Variants in KIF13A observed in about 807,000 individuals in gnomAD.
KIF13A encodes the protein kinesin-like protein KIF13A.
KIF13A carries 79 observed loss-of-function variants against 212.2 expected under a neutral mutation model. That is an observed-to-expected ratio of 0.37 (90% CI 0.31 to 0.45). The LOEUF is 0.45. Ranked by LOEUF, KIF13A falls within the 20% of genes least tolerant of loss-of-function variation. The pLI is 1.00. For missense variants in KIF13A, 1,901 were observed against 2,209.0 expected (o/e 0.86, Z 2.79); for synonymous variants, 789 against 808.6 (o/e 0.98, Z 0.41).
rs1332742693 is a variant in KIF13A at position 17,982,187 on chromosome 6, C to T, written c.146+4867G>A. ...CTCAGCTCACCGCAACCTCGGCCTC[C>T]TGGGTTCAAGTGATTCTCCTGCCTC... On this transcript the variant is annotated intron_variant, in intron 2 of 38. Coordinates refer to ENST00000259711, the MANE Select transcript of KIF13A (RefSeq NM_022113.6). This position sits in a 1 kb window ranked among gnomAD's most constrained non-coding sequence, Gnocchi z 5.1. 1.3e-5 allele frequency: 2 copies of T among 152,298 alleles called. No homozygotes were observed. Among genetic ancestry groups the T allele is most frequent in the African/African-American group, 4.8e-5 (2 of 41,420 alleles). 9.4% of individuals were successfully genotyped at this position (152,298 alleles called of 1,614,324 possible).
At chr6:17,831,666 T>C (rs977783570) in intron 12 of KIF13A, among the ~76,000 whole-genome samples, 17 of 148,010 alleles carry the variant, frequency 1.1e-4, no homozygotes, top group African/African-American at 4.0e-4. Flanking sequence ...AAAGATAGGG[T>C]GTTCTTGGGG....
At chr6:17,822,542 T>C (rs1202503155) in intron 16 of KIF13A, among the ~76,000 whole-genome samples, 1 of 152,108 alleles carries the variant, frequency 6.6e-6, no homozygotes, top group Non-Finnish European at 1.5e-5. Context: ...TATAAGAAGG[T>C]AGTAATTGAT....
At chr6:17,767,276 C>T (rs1199855271) in intron 38 of KIF13A, among the ~76,000 whole-genome samples, 2 of 145,322 alleles carry the variant, frequency 1.4e-5, no homozygotes, top group African/African-American at 2.5e-5. Context: ...TTTTTTGAGA[C>T]GAAGTCTCAC....
At chr6:17,879,258 A>G (rs766835511) in intron 3 of KIF13A, among the ~76,000 whole-genome samples, 9 of 152,154 alleles carry the variant, frequency 5.9e-5, no homozygotes, top group Non-Finnish European at 1.0e-4. Context: ...GGTGAGCTCC[A>G]TGGCAGCAGG....
rs778250669 is a variant in KIF13A at position 17,856,124 on chromosome 6, T to TA, written c.221-3dup. 36 of 1,594,892 alleles carry TA rather than the reference T, an allele frequency of 2.3e-5. No individual in the cohort carries two copies. Among genetic ancestry groups the TA allele is most frequent in the Admixed American group, 3.4e-5 (2 of 58,680 alleles). ...GGCACTTGAAAACCACTTCTTGACC[T>TA]AAAAAACAAGACAAATATTAAAAAC... On this transcript the variant is annotated splice_region_variant and splice_polypyrimidine_tract_variant and intron_variant, in intron 4 of 38. Transcript: ENST00000259711. The surrounding 1 kb of genome is among the most constrained non-coding windows in gnomAD (Gnocchi z 4.5).
chr6:17,948,016 A>C (rs912580867), intron 2 of KIF13A, among the ~76,000 whole-genome samples: 1 of 152,242 alleles, frequency 6.6e-6, no homozygotes, highest in Non-Finnish European at 1.5e-5. Flanking sequence ...TATTTTTTCA[A>C]AATTAAAATT....
At position 17,811,095 on chromosome 6, in the gene KIF13A, G is replaced by A. The variant is rs1397995487; in HGVS notation, c.2001-2165C>T. ...TCATGCCAATCTGCCCACCCAAAAT[G>A]TCCTTCTTACTTTCTCTCTGCTGGT... is the stretch of plus-strand genomic sequence containing the variant. On this transcript the variant is annotated intron_variant, in intron 17 of 38. Transcript: ENST00000259711. This position sits in a 1 kb window ranked among gnomAD's most constrained non-coding sequence, Gnocchi z 6.0. Among the ~76,000 whole-genome samples the A allele has an allele frequency of 6.6e-6, 1 of 152,124 alleles. No homozygotes were observed. Among genetic ancestry groups the A allele is most frequent in the Non-Finnish European group, 1.5e-5 (1 of 68,028 alleles).
Position 17,771,266 on chromosome 6 carries a change from G to T in KIF13A, c.4477-48C>A. Reference sequence around the variant, plus strand: ...ATGCATCACACACAAAGACGACAACGGCCAAAATACATATTAAGTACATGC... The same window carrying T: ...ATGCATCACACACAAAGACGACAACTGCCAAAATACATATTAAGTACATGC... On this transcript the variant is annotated intron_variant, in intron 37 of 38. Transcript: ENST00000259711. This position sits in a 1 kb window ranked among gnomAD's most constrained non-coding sequence, Gnocchi z 5.4. 8.3e-7 allele frequency: 1 copy of T among 1,210,222 alleles called. No homozygotes were observed. Among genetic ancestry groups the T allele is most frequent in the South Asian group, 1.3e-5 (1 of 79,210 alleles). 75.0% of individuals were successfully genotyped at this position (1,210,222 alleles called of 1,614,324 possible).
At position 17,789,728 on chromosome 6, in the gene KIF13A, A is replaced by G; in HGVS notation, c.3261+144T>C. 1 of 627,194 alleles carries G rather than the reference A, an allele frequency of 1.6e-6. No homozygotes were observed. The highest frequency in any genetic ancestry group is 2.8e-5 in the East Asian group (1 of 35,688). 38.9% of individuals were successfully genotyped at this position (627,194 alleles called of 1,614,324 possible). On this transcript the variant is annotated intron_variant, in intron 26 of 38. Coordinates refer to ENST00000259711, the MANE Select transcript of KIF13A (RefSeq NM_022113.6). The surrounding 1 kb of genome is among the most constrained non-coding windows in gnomAD (Gnocchi z 4.8). ...TAGAAATAATATTGTGTTTGAATAC[A>G]TATAAAGCAAATCAAAAGCAAGTGA... is the stretch of plus-strand genomic sequence containing the variant.
In KIF13A at chr6:17,779,658, T is replaced by A; in HGVS notation, c.3873A>T (p.Arg1291Ser). ...KQSFTQSLKR[R>S]ISLKNIFYSC... ...AATAAAATATATTTTTCAGGGATAT[T>A]CTCCTCTTCAAACTCTGCGTGAAAC... is the stretch of plus-strand genomic sequence containing the variant. Residue 1291 changes from arginine to serine, a missense_variant, in exon 32 of 39, where the codon AGA becomes AGT. Physicochemically the swap from Arg to Ser is moderately radical, Grantham distance 110. This residue lies in a region of KIF13A where 687 missense variants were observed against 759.1 expected (regional missense o/e 0.90). Coordinates refer to ENST00000259711, the MANE Select transcript of KIF13A (RefSeq NM_022113.6). 6.6e-7 allele frequency: 1 copy of A among 1,509,978 alleles called. No homozygotes were observed. Among genetic ancestry groups the A allele is most frequent in the Non-Finnish European group, 9.2e-7 (1 of 1,092,536 alleles). The allele number at this position is 1,509,978 out of a possible 1,614,324, so 93.5% of individuals were successfully genotyped here.
rs552972849 is a variant in KIF13A at position 17,778,992 on chromosome 6, G to A, written c.4047C>T (p.Gly1349=). 5.3e-5 allele frequency: 85 copies of A among 1,612,156 alleles called. 1 individual carries two copies. In the South Asian group the frequency reaches 7.0e-4, roughly 13 times the overall value. The change falls in exon 33 of 39, where the codon GGC becomes GGT. Residue 1349 remains glycine (G), a synonymous_variant. Coordinates refer to ENST00000259711, the MANE Select transcript of KIF13A (RefSeq NM_022113.6). ...TCAGAATGTTTTCCACCTGCAGCAC[G>A]CCTCGAGTGTACTTCTCAATGTACG... is the stretch of plus-strand genomic sequence containing the variant. ...GETYIEKYTR[G]VLQVENILSL...
chr6:17,933,404 A>ATTTT (rs11377627), intron 2 of KIF13A, among the ~76,000 whole-genome samples: 24 of 114,604 alleles, frequency 2.1e-4, no homozygotes, highest in South Asian at 3.0e-4. Flanking sequence ...CACCCAGCTC[A>ATTTT]TTTTTTTTTT....
At chr6:17,762,667 T>C (rs1224682190), downstream of KIF13A, among the ~76,000 whole-genome samples, 1 of 152,236 alleles carries the variant, frequency 6.6e-6, no homozygotes, top group Non-Finnish European at 1.5e-5. Context: ...AGCTGATGTA[T>C]ACCAGCTGTG....
intron 2 of KIF13A, among the ~76,000 whole-genome samples, chr6:17,960,241 C>T (rs1319739613): frequency 6.6e-6 from 1 of 151,772 alleles, no homozygotes; most frequent in African/African-American, 2.4e-5. Context: ...TCTTTAGTAA[C>T]TAAAAAAAAG....
chr6:17,895,718 A>G lies in KIF13A; in HGVS notation c.159+2450T>C, dbSNP rs191824941. ...TAAGCCGCTCCTTCCTGAATGGCAT[A>G]TATCTAAATGCTAGGTTCATCTCTC... On this transcript the variant is annotated intron_variant, in intron 3 of 38. Transcript: ENST00000259711. This position sits in a 1 kb window ranked among gnomAD's most constrained non-coding sequence, Gnocchi z 4.4. 2.6e-5 allele frequency among the ~76,000 whole-genome samples: 4 copies of G among 152,322 alleles called. No homozygotes were observed. The highest frequency in any genetic ancestry group is 6.5e-5 in the Admixed American group (1 of 15,298).
intron 9 of KIF13A, among the ~76,000 whole-genome samples, chr6:17,847,542 A>G (rs895183156): frequency 6.6e-6 from 1 of 152,226 alleles, no homozygotes; most frequent in African/African-American, 2.4e-5. Flanking sequence ...CTTAAATGCA[A>G]GCTGTGCAAA....
chr6:17,877,144 CAAA>C (rs35738402), intron 3 of KIF13A, among the ~76,000 whole-genome samples: 123 of 97,958 alleles, frequency 1.3e-3, no homozygotes, highest in African/African-American at 2.6e-3. Context: ...TCTCTCTTGC[CAAA>C]AAAAAAAAAA....
At chr6:17,905,547 G>T (rs1174693643) in intron 2 of KIF13A, among the ~76,000 whole-genome samples, 2 of 152,184 alleles carry the variant, frequency 1.3e-5, no homozygotes, top group African/African-American at 4.8e-5. Context: ...TTTCAAACAA[G>T]AAACTGATTT....
intron 17 of KIF13A, among the ~76,000 whole-genome samples, chr6:17,814,578 T>C (rs10647027): frequency 2.0e-5 from 3 of 152,072 alleles, no homozygotes; most frequent in South Asian, 2.1e-4. Flanking sequence ...TATTAATTAT[T>C]ATAACACAGG....
Sources: gnomAD v4.1 joint callset for allele counts (sites outside exome capture counted in the v4.1 genomes callset) on GRCh38, gnomAD v4.1.1 for gene constraint, gnomAD v4.1.1 regional missense constraint, Gnocchi (gnomAD v3.1) non-coding constraint, MANE v1.5 for transcripts, NCBI Gene and HGNC (gene_info 2026-07-23, HGNC 2026-07-21) for gene names.